ACSBG2: variants seen among roughly 807,000 people sequenced by gnomAD.
ACSBG2 encodes long-chain-fatty-acid--CoA ligase ACSBG2.
Under a neutral mutation model 74.7 loss-of-function variants are expected in ACSBG2, and 62 were observed. That is an observed-to-expected ratio of 0.83 (90% CI 0.68 to 1.03). The LOEUF is 1.03. Ranked by LOEUF, ACSBG2 falls within the 50% of genes least tolerant of loss-of-function variation. ACSBG2 has a pLI of 0.00. For synonymous variants in ACSBG2, 309 were observed against 294.1 expected, an observed-to-expected ratio of 1.05 and a Z score of -0.52; for missense variants, 730 against 817.6, an observed-to-expected ratio of 0.89 and a Z score of 1.31.
intron 13 of ACSBG2, among the ~76,000 whole-genome samples, chr19:6,188,370 G>C (rs2090464854): frequency 6.6e-6 from 1 of 152,246 alleles, no homozygotes; most frequent in Non-Finnish European, 1.5e-5. Flanking sequence ...GCCAGGCACA[G>C]TGGCTCACGC....
At chr19:6,166,329 TG>T (rs2089808370) in intron 7 of ACSBG2, among the ~76,000 whole-genome samples, 1 of 147,204 alleles carries the variant, frequency 6.8e-6, no homozygotes, top group Non-Finnish European at 1.5e-5. Context: ...TGTGTGTGTG[TG>T]TTTTGAGATG....
At chr19:6,157,699 G>A (rs1221675958) in intron 5 of ACSBG2, among the ~76,000 whole-genome samples, 2 of 151,948 alleles carry the variant, frequency 1.3e-5, no homozygotes, top group Non-Finnish European at 2.9e-5. Flanking sequence ...TTATAGGCAT[G>A]AGCCCCCATG....
chr19:6,172,996 T>G (rs1402263190), intron 7 of ACSBG2, among the ~76,000 whole-genome samples: 2 of 152,164 alleles, frequency 1.3e-5, no homozygotes, highest in Non-Finnish European at 2.9e-5. Flanking sequence ...CTTTAGTTCC[T>G]GGCAGCAGTG....
chr19:6,189,426 C>T (rs929048754), intron 13 of ACSBG2, among the ~76,000 whole-genome samples: 5 of 152,158 alleles, frequency 3.3e-5, no homozygotes, highest in East Asian at 1.9e-4. Context: ...TGTAATCTGA[C>T]GGTGTGGATG....
intron 8 of ACSBG2, 67 bp from the exon 9 acceptor site, chr19:6,182,684 A>G (rs1348884339): frequency 6.7e-7 from 1 of 1,496,964 alleles, no homozygotes; most frequent in Non-Finnish European, 9.1e-7. Flanking sequence ...TGGGTGGATC[A>G]GGAGAGATGG....
At chr19:6,143,409 C>T (rs563390892) in intron 2 of ACSBG2, among the ~76,000 whole-genome samples, 80 of 151,876 alleles carry the variant, frequency 5.3e-4, no homozygotes, top group African/African-American at 1.7e-3. Context: ...AAAACAAAAA[C>T]AAAAACAAAC....
intron 1 of ACSBG2, among the ~76,000 whole-genome samples, chr19:6,140,173 C>G (rs1385736073): frequency 5.5e-5 from 8 of 145,554 alleles, no homozygotes; most frequent in Non-Finnish European, 8.9e-5. Flanking sequence ...TGCAGTGAGC[C>G]GAGATCGAGC....
At chr19:6,165,840 C>T in intron 6 of ACSBG2, 26 bp from the exon 7 acceptor site, 1 of 1,612,992 alleles carries the variant, frequency 6.2e-7, no homozygotes, top group Non-Finnish European at 8.5e-7. Context: ...GCCTTCTCAT[C>T]CTCCGCTTGT....
chr19:6,150,786 T>C (rs1284289762), intron 3 of ACSBG2, among the ~76,000 whole-genome samples: 4 of 152,030 alleles, frequency 2.6e-5, no homozygotes, highest in African/African-American at 7.2e-5. Flanking sequence ...TGTACAACCA[T>C]GTGGATGTGT....
Position 6,161,207 on chromosome 19 carries a change from T to A in ACSBG2, c.508-8T>A, listed in dbSNP as rs1429553424. On this transcript the variant is annotated splice_polypyrimidine_tract_variant and splice_region_variant and intron_variant, in intron 5 of 14. Coordinates refer to ENST00000588485, the MANE Select transcript of ACSBG2 (RefSeq NM_030924.5). ...TTGCCATGAAGCCCACAGGGAACTT[T>A]CTTTCAGATTCCACAGAGCAGCCTA... 2 of 1,612,908 alleles carry A rather than the reference T, an allele frequency of 1.2e-6. No individual in the cohort carries two copies. Among genetic ancestry groups the A allele is most frequent in the African/African-American group, 1.3e-5 (1 of 74,962 alleles).
rs934186760 is a variant in ACSBG2, at chr19:6,165,794, A to T, written c.589-72A>T. The stretch of plus-strand genomic sequence containing the variant: ...GGATCATTCTTTAGGAAAAGCTGAT[A>T]GGACGAGGTCTGGCTGGGTGAGAGG... On this transcript the variant is annotated intron_variant, in intron 6 of 14. Coordinates refer to ENST00000588485, the MANE Select transcript of ACSBG2 (RefSeq NM_030924.5). The T allele has an allele frequency of 2.9e-5, 46 of 1,565,490 alleles. No homozygotes were observed. The Admixed American group carries it at 7.9e-4, about 27-fold the overall frequency.
rs1375179022 is a variant in ACSBG2 at position 6,161,296 on chromosome 19, G to T, written c.588+1G>T. 1 of 1,607,988 alleles carries T rather than the reference G, an allele frequency of 6.2e-7. No individual in the cohort carries two copies. Among genetic ancestry groups the T allele is most frequent in the Non-Finnish European group, 8.5e-7 (1 of 1,175,700 alleles). On this transcript the variant is annotated splice_donor_variant, in intron 6 of 14. Coordinates refer to ENST00000588485, the MANE Select transcript of ACSBG2 (RefSeq NM_030924.5). LOFTEE classifies it high-confidence loss of function. ...GAAGAAGAACAACAACTTGTACTCT[G>T]TAAGTGTGGGAGGTGGGCACTGGGG...
At position 6,166,246 on chromosome 19, in the gene ACSBG2, G is replaced by C. The variant is rs553694481; in HGVS notation, c.738+231G>C. 3.1e-4 allele frequency among the ~76,000 whole-genome samples: 46 copies of C among 150,156 alleles called. No homozygotes were observed. In the South Asian group the frequency reaches 9.7e-3, roughly 32 times the overall value. Reference sequence around the variant, plus strand: ...AAATGTCTGGCAGGGTATGCACCCAGCAGACAATGATTCCTCTGTGTGAGT... The same window carrying C: ...AAATGTCTGGCAGGGTATGCACCCACCAGACAATGATTCCTCTGTGTGAGT... On this transcript the variant is annotated intron_variant, in intron 7 of 14. Coordinates refer to ENST00000588485, the MANE Select transcript of ACSBG2 (RefSeq NM_030924.5).
At chr19:6,164,876 G>T (rs1481405690) in intron 6 of ACSBG2, among the ~76,000 whole-genome samples, 2 of 152,200 alleles carry the variant, frequency 1.3e-5, no homozygotes, top group African/African-American at 4.8e-5. Context: ...TCATAGTTAA[G>T]AGCACAGGCT....
chr19:6,185,614 G>C lies in ACSBG2; in HGVS notation c.1501G>C (p.Asp501His). The change falls in exon 11 of 15, where the codon GAC (aspartate) becomes CAC (histidine). Residue 501 changes from aspartate to histidine, a missense_variant. By Grantham distance (81) the Asp-to-His change is moderately conservative. Coordinates refer to ENST00000588485, the MANE Select transcript of ACSBG2 (RefSeq NM_030924.5). ...WLHSGDLGQL[D>H]GLGFLYVTGH... ...ACACTCTGGGGATCTGGGCCAGCTGGACGGTCTGGGTTTCCTCTATGTCAC... is the reference window on the plus strand; with the variant it reads ...ACACTCTGGGGATCTGGGCCAGCTGCACGGTCTGGGTTTCCTCTATGTCAC... 6.2e-7 allele frequency: 1 copy of C among 1,614,166 alleles called. No homozygotes were observed. The highest frequency in any genetic ancestry group is 1.7e-4 in the Middle Eastern group (1 of 6,054).
rs781135478 is a variant in ACSBG2, at chr19:6,161,230, C to T, written c.523C>T (p.Leu175=). 24 of 1,613,546 alleles carry T rather than the reference C, an allele frequency of 1.5e-5. No individual in the cohort carries two copies. The highest frequency in any genetic ancestry group is 1.9e-5 in the Non-Finnish European group (23 of 1,179,602). Reference sequence around the variant, plus strand: ...TTTCTTTCAGATTCCACAGAGCAGCCTAGAGCCCCTAAAAGCGATCATCCA... The same window carrying T: ...TTTCTTTCAGATTCCACAGAGCAGCTTAGAGCCCCTAAAAGCGATCATCCA... ...QKILSIPQSS[L]EPLKAIIQYR... The change falls in exon 6 of 15, where the codon CTA becomes TTA. Residue 175 remains leucine (L), a synonymous_variant. Transcript: ENST00000588485.
intron 5 of ACSBG2, among the ~76,000 whole-genome samples, chr19:6,157,514 G>A (rs2089465499): frequency 6.6e-6 from 1 of 152,182 alleles, no homozygotes; most frequent in African/African-American, 2.4e-5. Flanking sequence ...AGTGAGCCAA[G>A]ACTGAGCCAC....
intron 5 of ACSBG2, among the ~76,000 whole-genome samples, chr19:6,156,775 A>C (rs2145089491): frequency 6.7e-6 from 1 of 148,186 alleles, no homozygotes; most frequent in South Asian, 2.1e-4. Flanking sequence ...TTAGTTTAAT[A>C]CTCAGCCTCC....
rs17851960 is a variant in ACSBG2, at chr19:6,187,675, G to A, written c.1757G>A (p.Gly586Asp). ...GCCATCAACTTCTGTCGGGGTCTGG[G>A]CAGCCAGGCATCCACCGTGACTGAG... ...FEAINFCRGL[G>D]SQASTVTEIV... Residue 586 changes from glycine to aspartate, a missense_variant, in exon 13 of 15, where the codon GGC becomes GAC. By Grantham distance (94) the Gly-to-Asp change is moderately conservative. Transcript: ENST00000588485. The A allele has an allele frequency of 0.021, 33,237 of 1,614,036 alleles. 572 individuals are homozygous for A. The highest frequency in any genetic ancestry group is 0.059 in the South Asian group (5,329 of 91,060).
Sources: gnomAD v4.1 joint callset for allele counts (sites outside exome capture counted in the v4.1 genomes callset) on GRCh38, gnomAD v4.1.1 for gene constraint, MANE v1.5 for transcripts, NCBI Gene and HGNC (gene_info 2026-07-23, HGNC 2026-07-21) for gene names.